PTH2R: variants seen among roughly 807,000 people sequenced by gnomAD.
The protein encoded by PTH2R is PTH2 receptor.
A neutral mutation model predicts 60.3 loss-of-function variants in PTH2R; 59 were observed. The ratio of observed to expected loss-of-function variants is 0.98; its 90% CI spans 0.79 to 1.22. The LOEUF (loss-of-function observed/expected upper bound fraction) is 1.22, where lower values mean the gene tolerates loss of function less well. Ranked by LOEUF, PTH2R falls within the 50% of genes most tolerant of loss-of-function variation. The probability of loss-of-function intolerance (pLI) is 0.00; values close to 1 mark genes in which losing one functional copy is unlikely to be tolerated. For missense variants in PTH2R, 749 were observed against 682.6 expected (o/e 1.10, Z -1.08); for synonymous variants, 256 against 243.8 (o/e 1.05, Z -0.47).
At chr2:208,446,930 C>A (rs1702298195) in intron 7 of PTH2R, among the ~76,000 whole-genome samples, 1 of 152,152 alleles carries the variant, frequency 6.6e-6, no homozygotes, top group Non-Finnish European at 1.5e-5. Context: ...TTTATACTTA[C>A]TTCCAATGAT....
chr2:208,376,703 C>T (rs564814862), intron 1 of PTH2R, among the ~76,000 whole-genome samples: 19 of 152,046 alleles, frequency 1.2e-4, no homozygotes, highest in Non-Finnish European at 2.5e-4. Context: ...AATGACACAT[C>T]ATTTTATTTC....
At chr2:208,391,114 C>G (rs949420418) in intron 1 of PTH2R, among the ~76,000 whole-genome samples, 16 of 152,154 alleles carry the variant, frequency 1.1e-4, no homozygotes, top group Admixed American at 8.5e-4. Context: ...GAGCCTTCAC[C>G]TGTACCAAAT....
chr2:208,456,751 T>C (rs953958789), intron 8 of PTH2R, among the ~76,000 whole-genome samples: 2 of 152,188 alleles, frequency 1.3e-5, no homozygotes, highest in Non-Finnish European at 2.9e-5. Flanking sequence ...TAAAGTTTAT[T>C]AAAAAAATTT....
At position 208,382,983 on chromosome 2, in the gene PTH2R, T is replaced by G. The variant is rs541848040; in HGVS notation, c.-259+22746T>G. 7.2e-5 allele frequency among the ~76,000 whole-genome samples: 11 copies of G among 152,370 alleles called. No homozygotes were observed. In the South Asian group the frequency reaches 2.3e-3, roughly 32 times the overall value. On this transcript the variant is annotated intron_variant, in intron 1 of 12. Transcript: ENST00000617735. ...GGGGATGTGGGGGGTCTGACATCATTTGCATTATTAGTCTATTCCAAGAAA... is the reference window on the plus strand; with the variant it reads ...GGGGATGTGGGGGGTCTGACATCATGTGCATTATTAGTCTATTCCAAGAAA...
intron 10 of PTH2R, among the ~76,000 whole-genome samples, chr2:208,484,220 C>T (rs1703223875): frequency 6.6e-6 from 1 of 152,224 alleles, no homozygotes; most frequent in South Asian, 2.1e-4. Flanking sequence ...GAGATAATCT[C>T]TCCAGGTGAA....
intron 1 of PTH2R, among the ~76,000 whole-genome samples, chr2:208,419,338 T>C (rs1360389823): frequency 6.6e-6 from 1 of 152,272 alleles, no homozygotes; most frequent in Non-Finnish European, 1.5e-5. Context: ...GAAGTGTCTG[T>C]TCATGTGCTT....
At chr2:208,410,493 G>A (rs1701518371) in intron 1 of PTH2R, among the ~76,000 whole-genome samples, 1 of 152,062 alleles carries the variant, frequency 6.6e-6, no homozygotes, top group African/African-American at 2.4e-5. Context: ...CTCTATCCCA[G>A]GGAATTTCTC....
intron 10 of PTH2R, among the ~76,000 whole-genome samples, chr2:208,488,697 G>A (rs1427190132): frequency 3.9e-5 from 6 of 152,042 alleles, no homozygotes; most frequent in Admixed American, 2.6e-4. Flanking sequence ...GCAACATGGC[G>A]AGACCCCGTC....
At chr2:208,477,686 A>G (rs1703037541) in intron 9 of PTH2R, among the ~76,000 whole-genome samples, 3 of 152,020 alleles carry the variant, frequency 2.0e-5, no homozygotes. Context: ...CAAAAAATTC[A>G]TTCTATGTGT....
intron 9 of PTH2R, among the ~76,000 whole-genome samples, chr2:208,463,177 C>G (rs1702666915): frequency 6.6e-6 from 1 of 152,096 alleles, no homozygotes; most frequent in Admixed American, 6.6e-5. Flanking sequence ...TTCTTCCTCC[C>G]CCATCTCATG....
intron 9 of PTH2R, among the ~76,000 whole-genome samples, chr2:208,467,922 G>A (rs1016163567): frequency 2.6e-5 from 4 of 152,172 alleles, no homozygotes; most frequent in African/African-American, 9.7e-5. Flanking sequence ...GAAAAAGGAG[G>A]AAAGTGAAAT....
chr2:208,387,262 A>G (rs984584329), intron 1 of PTH2R, among the ~76,000 whole-genome samples: 11 of 152,220 alleles, frequency 7.2e-5, no homozygotes, highest in Admixed American at 2.6e-4. Context: ...TTTGTTTTAC[A>G]GATAAGCTCC....
At chr2:208,406,146 A>C (rs148058827), upstream of PTH2R, among the ~76,000 whole-genome samples, 1 of 152,356 alleles carries the variant, frequency 6.6e-6, no homozygotes, top group East Asian at 1.9e-4. Flanking sequence ...GCCAGAATTC[A>C]AAGGCTTTCT....
At chr2:208,460,081 C>A in intron 9 of PTH2R, 120 bp downstream of exon 9, 2 of 813,624 alleles carry the variant, frequency 2.5e-6, no homozygotes, top group Non-Finnish European at 2.0e-6. Context: ...ACAAGTACAG[C>A]AACATCTATT....
At chr2:208,412,146 A>G (rs1701552626) in intron 1 of PTH2R, among the ~76,000 whole-genome samples, 1 of 152,210 alleles carries the variant, frequency 6.6e-6, no homozygotes, top group Admixed American at 6.5e-5. Flanking sequence ...CATAACACTG[A>G]TAGCTGTTAT....
intron 1 of PTH2R, among the ~76,000 whole-genome samples, chr2:208,416,292 GC>G (rs1418837124): frequency 6.6e-6 from 1 of 152,028 alleles, no homozygotes; most frequent in Non-Finnish European, 1.5e-5. Flanking sequence ...AAAATATAAA[GC>G]ATTTAAAATC....
intron 12 of PTH2R, among the ~76,000 whole-genome samples, chr2:208,491,523 C>T (rs1433399430): frequency 2.6e-5 from 4 of 152,142 alleles, no homozygotes; most frequent in African/African-American, 4.8e-5. Context: ...TTCTCTCTTA[C>T]AGACTAAGAG....
intron 1 of PTH2R, among the ~76,000 whole-genome samples, chr2:208,367,880 T>C (rs1449135983): frequency 6.6e-6 from 1 of 152,210 alleles, no homozygotes; most frequent in Non-Finnish European, 1.5e-5. Context: ...CTTAAGGCAC[T>C]GACTGACTAA....
At position 208,407,091 on chromosome 2, in the gene PTH2R, C is replaced by T. The variant is rs564151340; in HGVS notation, c.48C>T (p.Leu16=). ...TCCACGTCTGGGGTTGGCTAATGCT[C>T]GGCAGCTGCCTCCTGGCCAGAGCCC... ...ASLHVWGWLM[L]GSCLLARAQL... The change falls in exon 1 of 13, where the codon CTC becomes CTT. Residue 16 remains leucine, a synonymous_variant. Transcript: ENST00000272847. 1.4e-5 allele frequency: 20 copies of T among 1,394,620 alleles called. No homozygotes were observed. The highest frequency in any genetic ancestry group is 5.6e-5 in the South Asian group (3 of 53,686). The allele number at this position is 1,394,620 out of a possible 1,614,324, so 86.4% of individuals were successfully genotyped here.
Sources: allele counts gnomAD v4.1 joint callset (sites outside exome capture counted in the v4.1 genomes callset), GRCh38; gene constraint gnomAD v4.1.1; transcripts MANE v1.5; gene names NCBI Gene and HGNC (gene_info 2026-07-23, HGNC 2026-07-21).